The following LRP1B variants were observed in gnomAD, a reference collection of about 807,000 sequenced individuals.
LRP1B encodes low-density lipoprotein receptor-related protein 1B.
A neutral mutation model predicts 556.6 loss-of-function variants in LRP1B; 217 were observed. The observed-to-expected ratio is 0.39, with a 90% CI of 0.35 to 0.44. The LOEUF is 0.44. Ranked by LOEUF, LRP1B falls within the 20% of genes least tolerant of loss-of-function variation. The probability of loss-of-function intolerance (pLI) is 1.00; values close to 1 mark genes in which losing one functional copy is unlikely to be tolerated. For synonymous variants in LRP1B, 2,047 were observed against 1,865.8 expected (o/e 1.10, Z -2.50); for missense variants, 5,053 against 5,620.8 (o/e 0.90, Z 3.23).
intron 43 of LRP1B, among the ~76,000 whole-genome samples, chr2:140,580,424 C>T (rs1681714763): frequency 1.3e-5 from 2 of 152,088 alleles, no homozygotes; most frequent in African/African-American, 2.4e-5. Flanking sequence ...TCTCAGGAGA[C>T]GTGATGAAGC....
chr2:140,478,144 C>CTTTTTTTTTTTTTTTTTT (rs35948232), intron 59 of LRP1B, among the ~76,000 whole-genome samples: 1 of 62,780 alleles, frequency 1.6e-5, no homozygotes, highest in African/African-American at 5.7e-5. Flanking sequence ...TATAACTTAA[C>CTTTTTTTTTTTTTTTTTT]TTTTTTTTTT....
At chr2:141,268,101 A>C (rs899537384) in intron 3 of LRP1B, among the ~76,000 whole-genome samples, 58 of 152,186 alleles carry the variant, frequency 3.8e-4, no homozygotes, top group African/African-American at 1.3e-3. Context: ...GTTCAACATC[A>C]TGAGATGAAC....
At chr2:140,914,918 C>G (rs1694530857) in intron 21 of LRP1B, among the ~76,000 whole-genome samples, 1 of 152,114 alleles carries the variant, frequency 6.6e-6, no homozygotes, top group Non-Finnish European at 1.5e-5. Context: ...ACTCTTTGTA[C>G]ATTCTACCAG....
intron 32 of LRP1B, among the ~76,000 whole-genome samples, chr2:140,795,233 G>T (rs548044383): frequency 6.6e-6 from 1 of 152,200 alleles, no homozygotes; most frequent in Non-Finnish European, 1.5e-5. Context: ...TCTATGGTAA[G>T]ATAACAGAAT....
intron 2 of LRP1B, among the ~76,000 whole-genome samples, chr2:141,625,598 A>G: frequency 6.6e-6 from 1 of 152,168 alleles, no homozygotes; most frequent in East Asian, 1.9e-4. Context: ...ATTCCCAGGC[A>G]TAGTACGTGA....
chr2:141,624,830 C>T (rs369789321), intron 2 of LRP1B, among the ~76,000 whole-genome samples: 3 of 152,040 alleles, frequency 2.0e-5, no homozygotes, highest in Non-Finnish European at 2.9e-5. Context: ...AGTGCAGTGG[C>T]GCGATCTCGG....
At chr2:142,130,627 G>A (rs1168394223) in intron 1 of LRP1B, 21 bp downstream of exon 1, 1 of 1,594,224 alleles carries the variant, frequency 6.3e-7, no homozygotes, top group East Asian at 2.3e-5. Context: ...GGGGAGGGGA[G>A]CGGGGAGGTG....
chr2:141,395,828 A>C (rs1008155021), intron 3 of LRP1B, among the ~76,000 whole-genome samples: 1 of 152,148 alleles, frequency 6.6e-6, no homozygotes, highest in Non-Finnish European at 1.5e-5. Flanking sequence ...TGAAGGAAAC[A>C]GGGGAGAGAT....
intron 59 of LRP1B, 62 bp from the exon 60 acceptor site, chr2:140,475,399 A>C: frequency 7.8e-7 from 1 of 1,273,978 alleles, no homozygotes; most frequent in Non-Finnish European, 1.1e-6. Flanking sequence ...ACAACAAACA[A>C]TATATTACTT....
intron 37 of LRP1B, among the ~76,000 whole-genome samples, chr2:140,711,178 C>T (rs1334802377): frequency 6.6e-6 from 1 of 152,008 alleles, no homozygotes; most frequent in African/African-American, 2.4e-5. Context: ...TTCTCTTTTC[C>T]TTGACTGCAT....
intron 72 of LRP1B, among the ~76,000 whole-genome samples, chr2:140,359,327 T>C (rs570844057): frequency 6.6e-6 from 1 of 151,788 alleles, no homozygotes; most frequent in South Asian, 2.1e-4. Context: ...AGCAAGCATA[T>C]GTTACAGGCC....
chr2:140,377,365 A>G (rs1203226812), intron 68 of LRP1B, among the ~76,000 whole-genome samples: 1 of 152,036 alleles, frequency 6.6e-6, no homozygotes, highest in Non-Finnish European at 1.5e-5. Flanking sequence ...GTAAGCCACC[A>G]TGCCCGGCTA....
intron 3 of LRP1B, among the ~76,000 whole-genome samples, chr2:141,327,838 G>A (rs1323230845): frequency 4.0e-5 from 6 of 151,464 alleles, no homozygotes; most frequent in Non-Finnish European, 4.4e-5. Context: ...TAGATGGAGC[G>A]ATTGAAAGAC....
At chr2:141,784,635 C>T (rs1039282956) in intron 2 of LRP1B, among the ~76,000 whole-genome samples, 1 of 151,814 alleles carries the variant, frequency 6.6e-6, no homozygotes. Flanking sequence ...TTTTCCTTAC[C>T]CCAGGGAACT....
intron 3 of LRP1B, among the ~76,000 whole-genome samples, chr2:141,422,716 C>A (rs1214779695): frequency 4.6e-5 from 7 of 152,152 alleles, no homozygotes; most frequent in Non-Finnish European, 4.4e-5. Context: ...ATAATGATAT[C>A]ATCTTCTCTT....
intron 41 of LRP1B, among the ~76,000 whole-genome samples, chr2:140,649,064 A>G (rs905927493): frequency 1.3e-5 from 2 of 152,182 alleles, no homozygotes; most frequent in Non-Finnish European, 1.5e-5. Context: ...ACCCTTTGTA[A>G]TTCAGGCCAA....
intron 2 of LRP1B, among the ~76,000 whole-genome samples, chr2:141,524,579 T>C (rs1035616646): frequency 1.3e-5 from 2 of 152,120 alleles, no homozygotes; most frequent in Non-Finnish European, 2.9e-5. Context: ...GTTTTTTAGC[T>C]CATCAGCTGT....
At chr2:141,578,396 C>CAAA (rs554339088) in intron 2 of LRP1B, among the ~76,000 whole-genome samples, 67 of 73,142 alleles carry the variant, frequency 9.2e-4, no homozygotes, top group Admixed American at 1.7e-3. Flanking sequence ...GAGTCCTTCT[C>CAAA]AAAAAAAAAA....
intron 41 of LRP1B, among the ~76,000 whole-genome samples, chr2:140,605,555 TTA>T (rs1558999840): frequency 2.6e-5 from 4 of 151,804 alleles, no homozygotes; most frequent in Admixed American, 2.6e-4. Flanking sequence ...TTTCTTTATT[TTA>T]TCTTTTTCTT....
Sources: allele counts gnomAD v4.1 joint callset (sites outside exome capture counted in the v4.1 genomes callset), GRCh38; gene constraint gnomAD v4.1.1; transcripts MANE v1.5; gene names NCBI Gene and HGNC (gene_info 2026-07-23, HGNC 2026-07-21).